ROBO2: variants seen among roughly 807,000 people sequenced by gnomAD.
The protein encoded by ROBO2 is roundabout homolog 2.
Under a neutral mutation model 160.8 loss-of-function variants are expected in ROBO2, and 53 were observed. The observed-to-expected ratio is 0.33, with a 90% CI of 0.26 to 0.41. The LOEUF is 0.41. ROBO2 is among the 10% of genes least tolerant of loss of function. The pLI, the probability that ROBO2 is intolerant of heterozygous loss-of-function variation, is 1.00. For missense variants in ROBO2, 1,577 were observed against 1,722.4 expected, an observed-to-expected ratio of 0.92 and a Z score of 1.49; for synonymous variants, 664 against 611.7, an observed-to-expected ratio of 1.09 and a Z score of -1.26.
At chr3:77,421,434 G>C (rs78700444) in intron 2 of ROBO2, among the ~76,000 whole-genome samples, 1 of 151,966 alleles carries the variant, frequency 6.6e-6, no homozygotes, top group Non-Finnish European at 1.5e-5. Flanking sequence ...GTTAACAGAG[G>C]GTGATGCAGC....
intron 2 of ROBO2, among the ~76,000 whole-genome samples, chr3:77,285,577 A>G (rs1413840989): frequency 1.3e-5 from 2 of 152,180 alleles, no homozygotes; most frequent in Admixed American, 1.3e-4. Flanking sequence ...TTTTCTCTTT[A>G]TATAAATCCT....
At chr3:77,382,063 G>A (rs1331345371) in intron 2 of ROBO2, among the ~76,000 whole-genome samples, 1 of 152,032 alleles carries the variant, frequency 6.6e-6, no homozygotes, top group African/African-American at 2.4e-5. Flanking sequence ...TAAAATCTCT[G>A]GAGAAATCAG....
rs190591447 is a variant in ROBO2, at chr3:76,602,022, G to A, written c.110-495992G>A. Among the ~76,000 whole-genome samples the A allele has an allele frequency of 3.4e-3, 513 of 152,178 alleles. 3 individuals are homozygous for A. The highest frequency in any genetic ancestry group is 4.4e-3 in the Non-Finnish European group (302 of 68,000). ...CAAGTTCAAAGTTCCACAGGAGCAGGGGCAAAATGCCACCAGTCTCTTTGC... is the reference window on the plus strand; with the variant it reads ...CAAGTTCAAAGTTCCACAGGAGCAGAGGCAAAATGCCACCAGTCTCTTTGC... On this transcript the variant is annotated intron_variant, in intron 2 of 26. Coordinates refer to the ROBO2 transcript ENST00000487694.
chr3:76,217,684 C>T (rs1262933894), intron 2 of ROBO2, among the ~76,000 whole-genome samples: 4 of 151,958 alleles, frequency 2.6e-5, no homozygotes, highest in African/African-American at 7.3e-5. Context: ...GCTTACCAAC[C>T]AAAAAAATCC....
At chr3:77,232,714 T>A (rs570348879) in intron 2 of ROBO2, among the ~76,000 whole-genome samples, 4 of 152,264 alleles carry the variant, frequency 2.6e-5, no homozygotes, top group African/African-American at 7.2e-5. Context: ...GTTGTTTTTG[T>A]CAATAATGTG....
intron 6 of ROBO2, among the ~76,000 whole-genome samples, chr3:77,527,893 C>A (rs1389695151): frequency 6.6e-6 from 1 of 151,502 alleles, no homozygotes; most frequent in African/African-American, 2.4e-5. Flanking sequence ...ATATTTATTG[C>A]CTGCATGCCT....
chr3:77,258,671 C>T (rs978857975), intron 2 of ROBO2, among the ~76,000 whole-genome samples: 4 of 151,710 alleles, frequency 2.6e-5, no homozygotes, highest in African/African-American at 7.3e-5. Context: ...GAATTTCATG[C>T]CTTTCAACAC....
chr3:76,230,199 A>C (rs529225910), intron 2 of ROBO2, among the ~76,000 whole-genome samples: 2 of 152,064 alleles, frequency 1.3e-5, no homozygotes, highest in South Asian at 4.2e-4. Context: ...GAAAATAAGG[A>C]CCTTTTTCTT....
chr3:76,809,570 C>T (rs1268898886), intron 2 of ROBO2, among the ~76,000 whole-genome samples: 1 of 152,142 alleles, frequency 6.6e-6, no homozygotes, highest in Non-Finnish European at 1.5e-5. Context: ...GAAGAGACAG[C>T]ACAAAGGTGC....
At chr3:77,266,744 A>T (rs1312309978) in intron 2 of ROBO2, among the ~76,000 whole-genome samples, 1 of 152,136 alleles carries the variant, frequency 6.6e-6, no homozygotes, top group Non-Finnish European at 1.5e-5. Flanking sequence ...AAATAATGAT[A>T]ATAATTATCC....
At chr3:76,646,144 A>C (rs931394189) in intron 2 of ROBO2, among the ~76,000 whole-genome samples, 1 of 152,136 alleles carries the variant, frequency 6.6e-6, no homozygotes, top group Non-Finnish European at 1.5e-5. Context: ...GCTAAGTTTT[A>C]TATCAGGTTA....
At chr3:76,272,980 TAA>T (rs1559706816) in intron 2 of ROBO2, among the ~76,000 whole-genome samples, 4 of 66,174 alleles carry the variant, frequency 6.0e-5, no homozygotes, top group Admixed American at 2.6e-4. Flanking sequence ...AAAATATATA[TAA>T]TATATAATAT....
intron 1 of ROBO2, among the ~76,000 whole-genome samples, chr3:75,922,283 T>A (rs1947092190): frequency 6.6e-6 from 1 of 152,022 alleles, no homozygotes; most frequent in South Asian, 2.1e-4. Flanking sequence ...TTTCAGAATA[T>A]AAAGAAAAAA....
At chr3:77,581,473 G>A (rs916308612) in intron 16 of ROBO2, among the ~76,000 whole-genome samples, 1 of 152,060 alleles carries the variant, frequency 6.6e-6, no homozygotes, top group African/African-American at 2.4e-5. Flanking sequence ...TAACTGCAAT[G>A]TGGTTAAAGG....
upstream of ROBO2, among the ~76,000 whole-genome samples, chr3:77,039,031 T>A (rs997774306): frequency 6.6e-6 from 1 of 152,302 alleles, no homozygotes; most frequent in Admixed American, 6.5e-5. Context: ...TCCCTCGCCC[T>A]GCGCGATCGC....
At chr3:76,542,029 A>G (rs2082845352) in intron 2 of ROBO2, among the ~76,000 whole-genome samples, 1 of 152,046 alleles carries the variant, frequency 6.6e-6, no homozygotes, top group African/African-American at 2.4e-5. Flanking sequence ...CTCTGCCACT[A>G]AAGTGCCCAC....
chr3:77,621,792 A>G lies in ROBO2; in HGVS notation c.3555-435A>G, dbSNP rs1177888656. Among the ~76,000 whole-genome samples the G allele has an allele frequency of 7.2e-5, 11 of 152,298 alleles. No homozygotes were observed. The East Asian group carries it at 2.1e-3, about 29-fold the overall frequency. The stretch of plus-strand genomic sequence containing the variant: ...GGGAGGTAGGGGATATTAGGTCCTC[A>G]TGTGACATCTTTTCTTCATAAGGGC... On this transcript the variant is annotated intron_variant, in intron 22 of 25. Transcript: ENST00000461745.
rs367798720 is a variant in ROBO2 at position 77,562,647 on chromosome 3, C to T, written c.1438-4C>T. 21 of 1,608,384 alleles carry T rather than the reference C, an allele frequency of 1.3e-5. No homozygotes were observed. In the African/African-American group the frequency reaches 2.1e-4, roughly 16 times the overall value. On this transcript the variant is annotated splice_region_variant and splice_polypyrimidine_tract_variant and intron_variant, in intron 9 of 25. Transcript: ENST00000461745. ...TTTAATTCTCTCCCTTCTGTGCACA[C>T]TAGATTTCTGATACTGGCACTTATA... is the stretch of plus-strand genomic sequence containing the variant.
chr3:76,878,613 T>A (rs2073024075), intron 2 of ROBO2, among the ~76,000 whole-genome samples: 1 of 152,152 alleles, frequency 6.6e-6, no homozygotes, highest in Non-Finnish European at 1.5e-5. Flanking sequence ...GTACCAAGAT[T>A]ACCAAGTAAA....
Sources: gnomAD v4.1 joint callset for allele counts (sites outside exome capture counted in the v4.1 genomes callset) on GRCh38, gnomAD v4.1.1 for gene constraint, MANE v1.5 for transcripts, NCBI Gene and HGNC (gene_info 2026-07-23, HGNC 2026-07-21) for gene names.